The following FARP1 variants were observed in gnomAD, a reference collection of about 807,000 sequenced individuals.
The protein encoded by FARP1 is FERM, ARH/RhoGEF and pleckstrin domain protein 1.
Under a neutral mutation model 128.8 loss-of-function variants are expected in FARP1, and 52 were observed. The ratio of observed to expected loss-of-function variants is 0.40; its 90% CI spans 0.32 to 0.51. The LOEUF is 0.51. FARP1 is among the 20% of genes least tolerant of loss of function. The pLI is 0.45. For synonymous variants in FARP1, 580 were observed against 551.8 expected, an observed-to-expected ratio of 1.05 and a Z score of -0.72; for missense variants, 1,333 against 1,367.9, an observed-to-expected ratio of 0.97 and a Z score of 0.40.
In FARP1 at chr13:98,177,268, GTGCGTCACCCT is replaced by G. The variant is rs749660730; in HGVS notation, c.-24+33783_-24+33793del. On this transcript the variant is annotated intron_variant, in intron 1 of 26. Coordinates refer to ENST00000319562, the MANE Select transcript of FARP1 (RefSeq NM_005766.4). ...GTCTCAGGCTCCCAACGGCCGTGGCGTGCGTCACCCTTGCGTCGCCCTTGCGTCGCTGCACG... is the reference window on the plus strand; with the variant it reads ...GTCTCAGGCTCCCAACGGCCGTGGCGTGCGTCGCCCTTGCGTCGCTGCACG... 3.3e-6 allele frequency: 5 copies of G among 1,506,922 alleles called. No individual in the cohort carries two copies. In the African/African-American group the frequency reaches 4.2e-5, roughly 13 times the overall value. The allele number at this position is 1,506,922 out of a possible 1,614,324, so 93.3% of individuals were successfully genotyped here. A position where few individuals can be genotyped will look rare whatever the true frequency, so the allele number is the denominator to read the frequency against.
At chr13:98,260,716 G>A (rs1049546592) in intron 2 of FARP1, among the ~76,000 whole-genome samples, 13 of 152,230 alleles carry the variant, frequency 8.5e-5, no homozygotes, top group African/African-American at 2.7e-4. Context: ...AAGGCTGTGA[G>A]TTCTAACACG....
intron 13 of FARP1, chr13:98,398,597 T>C (rs916206344): frequency 6.6e-6 from 1 of 152,208 alleles, no homozygotes; most frequent in Admixed American, 6.5e-5. Flanking sequence ...AGACTAGTGA[T>C]CAAGTAGACT....
In FARP1 at chr13:98,449,748, T is replaced by C. The variant is rs1893096291; in HGVS notation, c.*1431T>C. On this transcript the variant is annotated 3_prime_UTR_variant, in exon 27 of 27. Coordinates refer to ENST00000319562, the MANE Select transcript of FARP1 (RefSeq NM_005766.4). ...ATACCTCACGCCACAATCCAGCATA[T>C]TGATGTTTTAAGGCAAAACAACCAA... The C allele has an allele frequency of 1.3e-5, 2 of 152,318 alleles. No individual in the cohort carries two copies. The highest frequency in any genetic ancestry group is 2.1e-4 in the South Asian group (1 of 4,792). The allele number at this position is 152,318 out of a possible 1,614,324, so 9.4% of individuals were successfully genotyped here.
chr13:98,326,109 T>A (rs1176402462), intron 2 of FARP1, among the ~76,000 whole-genome samples: 3 of 152,238 alleles, frequency 2.0e-5, no homozygotes, highest in African/African-American at 4.8e-5. Context: ...TGGCTTCGTC[T>A]GCTTGGTAAT....
At chr13:98,335,943 A>G (rs1887723044) in intron 2 of FARP1, among the ~76,000 whole-genome samples, 1 of 152,206 alleles carries the variant, frequency 6.6e-6, no homozygotes, top group Non-Finnish European at 1.5e-5. Context: ...AACAGCAAAA[A>G]TGAAACACTT....
chr13:98,215,283 T>A (rs976440699), intron 2 of FARP1, among the ~76,000 whole-genome samples: 1 of 152,250 alleles, frequency 6.6e-6, no homozygotes, highest in African/African-American at 2.4e-5. Context: ...GGAACCTTTC[T>A]CATGCTCTCT....
chr13:98,268,928 C>T (rs1413085580), intron 2 of FARP1, among the ~76,000 whole-genome samples: 2 of 151,562 alleles, frequency 1.3e-5, no homozygotes, highest in Admixed American at 6.6e-5. Context: ...AACGAGGTTT[C>T]GCCATATTCC....
intron 2 of FARP1, among the ~76,000 whole-genome samples, chr13:98,304,694 T>A (rs1175872001): frequency 6.6e-6 from 1 of 152,206 alleles, no homozygotes; most frequent in African/African-American, 2.4e-5. Context: ...AACTGAGAAA[T>A]TGTATGCGAT....
chr13:98,376,525 G>A (rs1015988089), intron 5 of FARP1, among the ~76,000 whole-genome samples: 6 of 152,148 alleles, frequency 3.9e-5, no homozygotes, highest in Non-Finnish European at 8.8e-5. Context: ...ATCTGTGGAT[G>A]GACACTTAGG....
intron 2 of FARP1, among the ~76,000 whole-genome samples, chr13:98,322,609 C>T (rs604192): frequency 0.28 from 42,061 of 152,060 alleles, 6,208 homozygotes; most frequent in African/African-American, 0.34. Context: ...GACCAAGACC[C>T]GGAGCTTACA....
At chr13:98,326,378 C>T (rs12585076) in intron 2 of FARP1, among the ~76,000 whole-genome samples, 22,503 of 152,140 alleles carry the variant, frequency 0.15, 1,921 homozygotes, top group East Asian at 0.27. Context: ...AGTAGCTTTT[C>T]GTATTTTCAC....
In FARP1 at chr13:98,385,803, C is replaced by G. The variant is rs1212275007; in HGVS notation, c.748C>G (p.Leu250Val). The stretch of plus-strand genomic sequence containing the variant: ...TCTGGCCGTTGCCAACACGGGAATT[C>G]TAGTGTTTCAGGTGAGAGCCTTGAG... ...INLAVANTGI[L>V]VFQGFTKINA... Residue 250 changes from leucine (L) to valine (V), a missense_variant, in exon 8 of 27, where the codon CTA becomes GTA. Leu to Val is a conservative substitution (Grantham distance 32). This residue lies in a region of FARP1 where 324 missense variants were observed against 398.1 expected (regional missense o/e 0.81). Coordinates refer to ENST00000319562, the MANE Select transcript of FARP1 (RefSeq NM_005766.4). 5.0e-6 allele frequency: 8 copies of G among 1,614,014 alleles called. No homozygotes were observed. Among genetic ancestry groups the G allele is most frequent in the Middle Eastern group, 1.6e-4 (1 of 6,084 alleles).
intron 2 of FARP1, among the ~76,000 whole-genome samples, chr13:98,295,723 G>T (rs1407920284): frequency 6.6e-6 from 1 of 152,122 alleles, no homozygotes; most frequent in East Asian, 1.9e-4. Context: ...ATAAAGGTCA[G>T]TTCAGATTTG....
chr13:98,350,905 C>A (rs372917458), intron 3 of FARP1, among the ~76,000 whole-genome samples: 1 of 152,102 alleles, frequency 6.6e-6, no homozygotes, highest in Non-Finnish European at 1.5e-5. Context: ...CCTTCAGGGC[C>A]AGGTACCCAC....
chr13:98,374,486 CT>C (rs1295736011), intron 5 of FARP1, among the ~76,000 whole-genome samples: 7 of 152,136 alleles, frequency 4.6e-5, no homozygotes, highest in Non-Finnish European at 1.0e-4. Context: ...CATATTGCAT[CT>C]AGTTAGTATG....
rs1454484143 is a variant in FARP1, at chr13:98,176,911, C to T, written c.-24+33419C>T. ...GTCCTGCTCGAAGTCAGCGGTGGCC[C>T]CCATGTCCTCTGGCCCCACAGGCTT... On this transcript the variant is annotated intron_variant, in intron 1 of 26. Transcript: ENST00000319562. The surrounding 1 kb of genome is among the most constrained non-coding windows in gnomAD (Gnocchi z 6.2). 2.5e-6 allele frequency: 4 copies of T among 1,605,308 alleles called. No individual in the cohort carries two copies. Among genetic ancestry groups the T allele is most frequent in the Non-Finnish European group, 3.4e-6 (4 of 1,179,952 alleles).
intron 2 of FARP1, among the ~76,000 whole-genome samples, chr13:98,316,740 C>T (rs1462478857): frequency 1.3e-5 from 2 of 152,180 alleles, no homozygotes; most frequent in African/African-American, 2.4e-5. Flanking sequence ...GAGATTTTGC[C>T]GAAATGAGTC....
At chr13:98,203,565 G>A (rs1297613307) in intron 1 of FARP1, among the ~76,000 whole-genome samples, 8 of 152,284 alleles carry the variant, frequency 5.3e-5, no homozygotes, top group Admixed American at 2.0e-4. Context: ...TCTATGTGGC[G>A]TGTGTCAGCA....
intron 13 of FARP1, chr13:98,395,966 G>A (rs1890524802): frequency 2.5e-6 from 1 of 399,156 alleles, no homozygotes; most frequent in African/African-American, 2.1e-5. Flanking sequence ...AGAGAGGGGA[G>A]TATGGGAGAA....
Sources: gnomAD v4.1 joint callset for allele counts (sites outside exome capture counted in the v4.1 genomes callset) on GRCh38, gnomAD v4.1.1 for gene constraint, gnomAD v4.1.1 regional missense constraint, Gnocchi (gnomAD v3.1) non-coding constraint, MANE v1.5 for transcripts, NCBI Gene and HGNC (gene_info 2026-07-23, HGNC 2026-07-21) for gene names.